WWOX: variants seen among roughly 807,000 people sequenced by gnomAD.
The protein encoded by WWOX is WW domain-containing oxidoreductase.
In WWOX, 69 loss-of-function variants were observed where a neutral mutation model predicts 46.2. The ratio of observed to expected loss-of-function variants is 1.49; its 90% CI spans 1.23 to 1.82. The LOEUF (loss-of-function observed/expected upper bound fraction) is 1.82. Among genes scored for constraint, WWOX ranks in the 40% most tolerant of loss-of-function variants. The probability of loss-of-function intolerance (pLI) is 0.00; values close to 1 mark genes in which losing one functional copy is unlikely to be tolerated. For synonymous variants in WWOX, 359 were observed against 202.6 expected, an observed-to-expected ratio of 1.77 and a Z score of -6.56; for missense variants, 919 against 542.6, an observed-to-expected ratio of 1.69 and a Z score of -6.89.
intron 8 of WWOX, chr16:78,873,403 C>G (rs2044169168): frequency 6.6e-6 from 1 of 152,006 alleles, no homozygotes. Flanking sequence ...TAAATAGCAG[C>G]ACAAATATTT....
At position 78,311,790 on chromosome 16, in the gene WWOX, C is replaced by CT. The variant is rs1011125392; in HGVS notation, c.517-75070_517-75069insT. Among the ~76,000 whole-genome samples, 15 of 44,728 alleles carry CT rather than the reference C, an allele frequency of 3.4e-4. No homozygotes were observed. The South Asian group carries it at 7.5e-3, about 22-fold the overall frequency. 29.3% of individuals were successfully genotyped at this position (44,728 alleles called of 152,430 possible). A position where few individuals can be genotyped will look rare whatever the true frequency, so the allele number is the denominator to read the frequency against. On this transcript the variant is annotated intron_variant, in intron 5 of 8. Coordinates refer to ENST00000566780, the MANE Select transcript of WWOX (RefSeq NM_016373.4). ...TAATTATTTTTAAAAAGCAGCCTGG[C>CT]GGGGGGGTATTCATTTTTCTGTGGC...
intron 8 of WWOX, among the ~76,000 whole-genome samples, chr16:79,081,696 G>C (rs1340051132): frequency 2.0e-5 from 3 of 152,120 alleles, no homozygotes; most frequent in Non-Finnish European, 4.4e-5. Context: ...CCCAAGACCA[G>C]GAATAGCCCA....
chr16:78,959,896 C>T (rs958104567), intron 8 of WWOX, among the ~76,000 whole-genome samples: 2 of 152,164 alleles, frequency 1.3e-5, no homozygotes, highest in Non-Finnish European at 2.9e-5. Context: ...AAGGATACAG[C>T]CTGGGCATCA....
At chr16:78,800,057 G>A (rs1310581001) in intron 8 of WWOX, among the ~76,000 whole-genome samples, 2 of 152,140 alleles carry the variant, frequency 1.3e-5, no homozygotes, top group African/African-American at 2.4e-5. Context: ...GTTTCATCAA[G>A]CACATTGTTA....
At chr16:78,770,624 G>T (rs1048094517) in intron 8 of WWOX, among the ~76,000 whole-genome samples, 1 of 152,166 alleles carries the variant, frequency 6.6e-6, no homozygotes, top group African/African-American at 2.4e-5. Flanking sequence ...CTGGAAATCA[G>T]CCTGCAGGGG....
intron 8 of WWOX, among the ~76,000 whole-genome samples, chr16:79,180,655 T>C (rs1266711555): frequency 6.6e-6 from 1 of 150,380 alleles, no homozygotes; most frequent in African/African-American, 2.5e-5. Context: ...TTTTCTCTTC[T>C]TCTTTCTCTC....
At chr16:78,352,878 C>T (rs573410199) in intron 5 of WWOX, among the ~76,000 whole-genome samples, 9 of 152,134 alleles carry the variant, frequency 5.9e-5, no homozygotes, top group African/African-American at 1.9e-4. Flanking sequence ...ATTGGCTGTA[C>T]AAAGAAACTG....
At chr16:78,932,818 G>A (rs2045653055) in intron 8 of WWOX, among the ~76,000 whole-genome samples, 1 of 152,178 alleles carries the variant, frequency 6.6e-6, no homozygotes. Context: ...AGAACAAACA[G>A]ACAAGGTGAG....
At position 78,158,646 on chromosome 16, in the gene WWOX, T is replaced by C. The variant is rs193032094; in HGVS notation, c.410-5537T>C. ...GTATTGTAAATTCATTGGTATAAAG[T>C]TGTTCACCATATCTTAAGATCTTCT... On this transcript the variant is annotated intron_variant, in intron 4 of 8. Coordinates refer to ENST00000566780, the MANE Select transcript of WWOX (RefSeq NM_016373.4). 2.1e-3 allele frequency among the ~76,000 whole-genome samples: 321 copies of C among 152,310 alleles called. 2 individuals carry two copies. The highest frequency in any genetic ancestry group is 6.3e-3 in the African/African-American group (260 of 41,570).
At chr16:78,740,004 G>A (rs751900610) in intron 8 of WWOX, among the ~76,000 whole-genome samples, 9 of 151,990 alleles carry the variant, frequency 5.9e-5, no homozygotes, top group East Asian at 3.9e-4. Context: ...CTCAGGAGTC[G>A]AGCCCTGTGG....
intron 8 of WWOX, among the ~76,000 whole-genome samples, chr16:78,655,178 A>G (rs1231062768): frequency 2.6e-5 from 4 of 152,100 alleles, no homozygotes; most frequent in African/African-American, 9.7e-5. Flanking sequence ...CCTAGGCTGC[A>G]GTCTGAGAGT....
intron 5 of WWOX, among the ~76,000 whole-genome samples, chr16:78,209,478 T>C (rs2036492494): frequency 6.6e-6 from 1 of 152,210 alleles, no homozygotes; most frequent in South Asian, 2.1e-4. Flanking sequence ...TATAAGAAAT[T>C]GTCTTAGGCC....
intron 8 of WWOX, among the ~76,000 whole-genome samples, chr16:79,097,295 C>T (rs1170632849): frequency 6.6e-6 from 1 of 151,962 alleles, no homozygotes; most frequent in East Asian, 1.9e-4. Context: ...TATTCAAGAT[C>T]CGAGATGCCA....
intron 8 of WWOX, among the ~76,000 whole-genome samples, chr16:78,567,022 G>A (rs190772065): frequency 2.2e-4 from 34 of 152,018 alleles, no homozygotes; most frequent in African/African-American, 7.7e-4. Flanking sequence ...CCAGGCATGA[G>A]GCTGAAGTCA....
At chr16:78,312,345 G>A (rs188444296) in intron 5 of WWOX, among the ~76,000 whole-genome samples, 159 of 149,514 alleles carry the variant, frequency 1.1e-3, no homozygotes, top group African/African-American at 3.7e-3. Context: ...CACTTATATT[G>A]CTAGTGAGTG....
At chr16:78,799,961 C>T (rs959159865) in intron 8 of WWOX, among the ~76,000 whole-genome samples, 5 of 152,192 alleles carry the variant, frequency 3.3e-5, no homozygotes, top group Admixed American at 6.5e-5. Context: ...ACTTCCCCCG[C>T]GTCTGGCATT....
intron 5 of WWOX, among the ~76,000 whole-genome samples, chr16:78,182,388 C>G (rs1369449006): frequency 6.6e-6 from 1 of 152,060 alleles, no homozygotes; most frequent in Non-Finnish European, 1.5e-5. Flanking sequence ...ATATCAAACT[C>G]ACTGCTGTTG....
At chr16:78,679,629 G>C (rs2550655) in intron 8 of WWOX, among the ~76,000 whole-genome samples, 1 of 152,040 alleles carries the variant, frequency 6.6e-6, no homozygotes, top group Non-Finnish European at 1.5e-5. Flanking sequence ...TTCTTGAAAG[G>C]AACAGTAACA....
chr16:78,606,392 C>G (rs778311462), intron 8 of WWOX, among the ~76,000 whole-genome samples: 5 of 151,862 alleles, frequency 3.3e-5, no homozygotes, highest in East Asian at 3.9e-4. Flanking sequence ...TGGATTTATT[C>G]TTTTGGAAAA....
Sources: gnomAD v4.1 joint callset for allele counts (sites outside exome capture counted in the v4.1 genomes callset) on GRCh38, gnomAD v4.1.1 for gene constraint, MANE v1.5 for transcripts, NCBI Gene and HGNC (gene_info 2026-07-23, HGNC 2026-07-21) for gene names.